Variants in ARHGAP44 observed in about 807,000 individuals in gnomAD.
ARHGAP44 encodes rho GTPase-activating protein 44.
A neutral mutation model predicts 106.8 loss-of-function variants in ARHGAP44; 43 were observed. The ratio of observed to expected loss-of-function variants is 0.40; its 90% CI spans 0.32 to 0.52. The LOEUF (loss-of-function observed/expected upper bound fraction) is 0.52, where lower values mean the gene tolerates loss of function less well. Ranked by LOEUF, ARHGAP44 falls within the 20% of genes least tolerant of loss-of-function variation. The probability of loss-of-function intolerance (pLI) is 0.48; values close to 1 mark genes in which losing one functional copy is unlikely to be tolerated. For missense variants in ARHGAP44, 866 were observed against 1,050.5 expected, an observed-to-expected ratio of 0.82 and a Z score of 2.43; for synonymous variants, 439 against 410.3, an observed-to-expected ratio of 1.07 and a Z score of -0.85.
At position 12,962,062 on chromosome 17, in the gene ARHGAP44, T is replaced by C. The variant is rs867885710; in HGVS notation, c.1523+3165T>C. Among the ~76,000 whole-genome samples the C allele has an allele frequency of 2.6e-5, 4 of 151,210 alleles. No homozygotes were observed. The Middle Eastern group carries it at 0.01, about 391-fold the overall frequency. On this transcript the variant is annotated intron_variant, in intron 16 of 20. Coordinates refer to ENST00000379672, the MANE Select transcript of ARHGAP44 (RefSeq NM_014859.6). ...TTAAAGCTCATGTTATTGAAGGTTT[T>C]TGGCCAAGTTAAAAAAAAATATATA...
intron 16 of ARHGAP44, among the ~76,000 whole-genome samples, chr17:12,969,608 T>C (rs757617184): frequency 5.9e-5 from 9 of 152,326 alleles, no homozygotes; most frequent in Admixed American, 2.0e-4. Flanking sequence ...CACCACGTTA[T>C]ACCCAAAAAA....
chr17:12,956,157 C>T (rs752402289), intron 14 of ARHGAP44, among the ~76,000 whole-genome samples, 177 bp downstream of exon 14: 7 of 152,054 alleles, frequency 4.6e-5, no homozygotes, highest in Non-Finnish European at 1.0e-4. Flanking sequence ...TTCTGCAGAT[C>T]TTTCTTTTTG....
At position 12,972,509 on chromosome 17, in the gene ARHGAP44, G is replaced by A. The variant is rs181871272; in HGVS notation, c.1524-793G>A. Among the ~76,000 whole-genome samples the A allele has an allele frequency of 7.7e-3, 1,170 of 151,872 alleles. 12 individuals carry two copies. The highest frequency in any genetic ancestry group is 0.027 in the African/African-American group (1,102 of 41,492). On this transcript the variant is annotated intron_variant, in intron 16 of 20. Coordinates refer to ENST00000379672, the MANE Select transcript of ARHGAP44 (RefSeq NM_014859.6). Reference sequence around the variant, plus strand: ...CTAAAAATACAAAAATTAGCTGGGTGTGGTGGCGGGTGCCTGTAATCCCAG... The same window carrying A: ...CTAAAAATACAAAAATTAGCTGGGTATGGTGGCGGGTGCCTGTAATCCCAG...
At chr17:12,859,128 A>T (rs1367299994) in intron 1 of ARHGAP44, among the ~76,000 whole-genome samples, 1 of 152,186 alleles carries the variant, frequency 6.6e-6, no homozygotes, top group African/African-American at 2.4e-5. Flanking sequence ...GATCCTTATA[A>T]AAATGGGATA....
chr17:12,883,973 C>A (rs1486570292), intron 1 of ARHGAP44, among the ~76,000 whole-genome samples: 1 of 152,092 alleles, frequency 6.6e-6, no homozygotes, highest in African/African-American at 2.4e-5. Context: ...GTATCAGGTA[C>A]CACCAAATTC....
chr17:12,876,332 C>T (rs2036555496), intron 1 of ARHGAP44, among the ~76,000 whole-genome samples: 1 of 152,242 alleles, frequency 6.6e-6, no homozygotes, highest in South Asian at 2.1e-4. Context: ...TCTTCCCTCA[C>T]TCCCTCTGCC....
At chr17:12,797,416 C>G (rs2033957568) in intron 1 of ARHGAP44, among the ~76,000 whole-genome samples, 1 of 152,120 alleles carries the variant, frequency 6.6e-6, no homozygotes, top group African/African-American at 2.4e-5. Flanking sequence ...TCATTGTGTA[C>G]TAAAAAATTT....
intron 4 of ARHGAP44, among the ~76,000 whole-genome samples, chr17:12,911,945 G>C (rs1348032450): frequency 1.3e-5 from 2 of 152,122 alleles, no homozygotes; most frequent in African/African-American, 4.8e-5. Flanking sequence ...TGTTGGAGGG[G>C]GTCAGTGCCT....
rs145936565 is a variant in ARHGAP44, at chr17:12,950,990, C to G, written c.1055+1260C>G. ...GACCCACCTGACCTGGAAGGGAAGC[C>G]AGGCTCAAATGTGTAGAGTGAGAAA... On this transcript the variant is annotated intron_variant, in intron 12 of 20. Transcript: ENST00000379672. Among the ~76,000 whole-genome samples the G allele has an allele frequency of 1.4e-3, 209 of 152,244 alleles. 2 individuals are homozygous for G. The highest frequency in any genetic ancestry group is 3.8e-3 in the African/African-American group (157 of 41,540).
intron 6 of ARHGAP44, among the ~76,000 whole-genome samples, chr17:12,921,474 G>C (rs2038083098): frequency 6.6e-6 from 1 of 152,104 alleles, no homozygotes; most frequent in African/African-American, 2.4e-5. Flanking sequence ...GGTCTCCCAA[G>C]TAGCTGGGAC....
intron 1 of ARHGAP44, among the ~76,000 whole-genome samples, chr17:12,877,610 C>A (rs1040978029): frequency 2.0e-5 from 3 of 151,942 alleles, no homozygotes; most frequent in Non-Finnish European, 4.4e-5. Context: ...ATTAGCCGGG[C>A]GAGGTGGCGG....
intron 6 of ARHGAP44, among the ~76,000 whole-genome samples, chr17:12,924,139 T>C (rs190393239): frequency 1.3e-5 from 2 of 152,364 alleles, no homozygotes; most frequent in East Asian, 3.9e-4. Context: ...CAGCACATCT[T>C]GAACAATAGT....
intron 3 of ARHGAP44, among the ~76,000 whole-genome samples, chr17:12,897,241 A>G (rs1393352457): frequency 7.4e-6 from 1 of 134,586 alleles, no homozygotes; most frequent in Non-Finnish European, 1.6e-5. Context: ...TATAATCTAC[A>G]TGATTGGTAT....
At chr17:12,945,582 T>C (rs879709427) in intron 10 of ARHGAP44, among the ~76,000 whole-genome samples, 7 of 152,096 alleles carry the variant, frequency 4.6e-5, no homozygotes, top group African/African-American at 7.2e-5. Flanking sequence ...TCTGTAAGTC[T>C]CTAAGGGAGC....
intron 1 of ARHGAP44, among the ~76,000 whole-genome samples, chr17:12,885,520 TTGA>T (rs142220484): frequency 0.046 from 6,894 of 151,500 alleles, 217 homozygotes; most frequent in Admixed American, 0.079. Flanking sequence ...GGTCAAGAAC[TTGA>T]TGTGTGTGTG....
At chr17:12,808,846 C>T (rs1169674212) in intron 1 of ARHGAP44, among the ~76,000 whole-genome samples, 1 of 152,224 alleles carries the variant, frequency 6.6e-6, no homozygotes, top group Non-Finnish European at 1.5e-5. Context: ...CATCATGAGG[C>T]TGCAAATTTT....
At position 12,898,579 on chromosome 17, in the gene ARHGAP44, T is replaced by C. The variant is rs1005444648; in HGVS notation, c.198+2068T>C. Among the ~76,000 whole-genome samples, 8 of 152,366 alleles carry C rather than the reference T, an allele frequency of 5.3e-5. No homozygotes were observed. The South Asian group carries it at 1.0e-3, about 20-fold the overall frequency. On this transcript the variant is annotated intron_variant, in intron 3 of 20. Transcript: ENST00000379672. ...CAGCAGCTTTGGGTCAGCAGCTATG[T>C]GACGCTTGGGCCTCCACTTACAACT...
chr17:12,835,816 C>A (rs7218896), intron 1 of ARHGAP44, among the ~76,000 whole-genome samples: 3 of 152,076 alleles, frequency 2.0e-5, no homozygotes, highest in African/African-American at 2.4e-5. Flanking sequence ...TCCCTCCAGG[C>A]GCCAGTAATC....
At chr17:12,894,542 A>G (rs974402931) in intron 1 of ARHGAP44, among the ~76,000 whole-genome samples, 8 of 152,212 alleles carry the variant, frequency 5.3e-5, no homozygotes, top group African/African-American at 1.7e-4. Context: ...CCAAGATTCA[A>G]TACTGTCTCT....
Sources: gnomAD v4.1 joint callset for allele counts (sites outside exome capture counted in the v4.1 genomes callset) on GRCh38, gnomAD v4.1.1 for gene constraint, MANE v1.5 for transcripts, NCBI Gene and HGNC (gene_info 2026-07-23, HGNC 2026-07-21) for gene names.